KLHL26: variants seen among roughly 807,000 people sequenced by gnomAD.
KLHL26 encodes the protein kelch like family member 26.
A neutral mutation model predicts 7.1 loss-of-function variants in KLHL26; 4 were observed. The ratio of observed to expected loss-of-function variants is 0.56; its 90% CI spans 0.28 to 1.28. KLHL26 has a LOEUF of 1.28. Ranked by LOEUF, KLHL26 falls within the 50% of genes most tolerant of loss-of-function variation. The pLI, the probability that KLHL26 is intolerant of heterozygous loss-of-function variation, is 0.11. For missense variants in KLHL26, 896 were observed against 924.6 expected, an observed-to-expected ratio of 0.97 and a Z score of 0.40; for synonymous variants, 465 against 414.1, an observed-to-expected ratio of 1.12 and a Z score of -1.49.
intron 1 of KLHL26, among the ~76,000 whole-genome samples, chr19:18,662,526 G>A (rs1172402120): frequency 6.6e-6 from 1 of 152,232 alleles, no homozygotes. Flanking sequence ...CAAAGCCAGT[G>A]AGGCAAACTG....
chr19:18,643,567 C>T (rs1389056899), intron 1 of KLHL26, among the ~76,000 whole-genome samples: 2 of 151,818 alleles, frequency 1.3e-5, no homozygotes, highest in Non-Finnish European at 2.9e-5. Context: ...AAACATCCGC[C>T]TCCTGGGTTC....
intron 1 of KLHL26, among the ~76,000 whole-genome samples, chr19:18,651,606 T>G (rs1055846000): frequency 3.9e-5 from 6 of 152,246 alleles, no homozygotes; most frequent in Non-Finnish European, 8.8e-5. Context: ...GGCTAAGCTG[T>G]GGAGTGCCTG....
At chr19:18,642,026 C>G (rs1029817271) in intron 1 of KLHL26, among the ~76,000 whole-genome samples, 1 of 152,136 alleles carries the variant, frequency 6.6e-6, no homozygotes, top group African/African-American at 2.4e-5. Context: ...GCCTCAGGTG[C>G]TAGTGTGGGG....
intron 1 of KLHL26, among the ~76,000 whole-genome samples, chr19:18,638,740 A>G (rs141072823): frequency 2.4e-4 from 36 of 152,140 alleles, no homozygotes; most frequent in African/African-American, 8.4e-4. Flanking sequence ...TCACCCAGGT[A>G]TCTAGGCTGG....
rs780033184 is a variant in KLHL26 at position 18,649,163 on chromosome 19, C to T, written c.83+12026C>T. On this transcript the variant is annotated intron_variant, in intron 1 of 2. Coordinates refer to ENST00000300976, the MANE Select transcript of KLHL26 (RefSeq NM_018316.3). This position sits in a 1 kb window ranked among gnomAD's most constrained non-coding sequence, Gnocchi z 4.0. ...GTCCACCGTGGCGCCACTGCTCGCC[C>T]TGTCGTCATGGTACATTCTCTGCTT... Among the ~76,000 whole-genome samples, 8 of 152,232 alleles carry T rather than the reference C, an allele frequency of 5.3e-5. No individual in the cohort carries two copies. Among genetic ancestry groups the T allele is most frequent in the Non-Finnish European group, 1.0e-4 (7 of 68,042 alleles).
chr19:18,652,938 C>G (rs866472725), intron 1 of KLHL26, among the ~76,000 whole-genome samples: 10 of 152,312 alleles, frequency 6.6e-5, no homozygotes, highest in South Asian at 2.1e-4. Context: ...CAGAGAGGTT[C>G]AGGGGCTCAT....
chr19:18,642,472 C>G (rs982451988), intron 1 of KLHL26, among the ~76,000 whole-genome samples: 4 of 151,644 alleles, frequency 2.6e-5, no homozygotes, highest in Admixed American at 6.6e-5. Flanking sequence ...GCAACTGATT[C>G]TCTTACCTCA....
chr19:18,646,785 C>T lies in KLHL26; in HGVS notation c.83+9648C>T, dbSNP rs1976809690. 6.6e-6 allele frequency among the ~76,000 whole-genome samples: 1 copy of T among 152,196 alleles called. No individual in the cohort carries two copies. The highest frequency in any genetic ancestry group is 2.4e-5 in the African/African-American group (1 of 41,448). ...AAGCCTTGATGTGGCGTGCGTGTGT[C>T]AGGCAGGGAAAGGAGAGGGTGAACT... On this transcript the variant is annotated intron_variant, in intron 1 of 2. Coordinates refer to ENST00000300976, the MANE Select transcript of KLHL26 (RefSeq NM_018316.3). The surrounding 1 kb of genome is among the most constrained non-coding windows in gnomAD (Gnocchi z 5.0).
rs1284146715 is a variant in KLHL26 at position 18,646,081 on chromosome 19, A to G, written c.83+8944A>G. 6.6e-6 allele frequency among the ~76,000 whole-genome samples: 1 copy of G among 152,094 alleles called. No individual in the cohort carries two copies. Among genetic ancestry groups the G allele is most frequent in the Non-Finnish European group, 1.5e-5 (1 of 68,012 alleles). ...GTGGCTTCCCAAGGAGGTTCTTGCT[A>G]CTTTGGGGAAGTTCTCATTCCTTTG... On this transcript the variant is annotated intron_variant, in intron 1 of 2. Coordinates refer to ENST00000300976, the MANE Select transcript of KLHL26 (RefSeq NM_018316.3). This position sits in a 1 kb window ranked among gnomAD's most constrained non-coding sequence, Gnocchi z 5.0.
chr19:18,648,171 C>G lies in KLHL26; in HGVS notation c.83+11034C>G, dbSNP rs960861053. On this transcript the variant is annotated intron_variant, in intron 1 of 2. Transcript: ENST00000300976. This position sits in a 1 kb window ranked among gnomAD's most constrained non-coding sequence, Gnocchi z 4.9. ...ATCACTTGAGGTCAGGAGTTCGAGA[C>G]CAGCCTGGGCAACATAGTGAGATCC... is the stretch of plus-strand genomic sequence containing the variant. Among the ~76,000 whole-genome samples, 2 of 152,174 alleles carry G rather than the reference C, an allele frequency of 1.3e-5. No homozygotes were observed. Among genetic ancestry groups the G allele is most frequent in the Non-Finnish European group, 2.9e-5 (2 of 68,030 alleles).
Position 18,669,650 on chromosome 19 carries a change from C to T in KLHL26, c.*405C>T. On this transcript the variant is annotated 3_prime_UTR_variant, in exon 3 of 3. Transcript: ENST00000300976. ...AGATGTGAGCTCATCAACATTGAACCCAAAGTCGGTGGTATATGACTCACC... is the reference window on the plus strand; with the variant it reads ...AGATGTGAGCTCATCAACATTGAACTCAAAGTCGGTGGTATATGACTCACC... 1 of 363,098 alleles carries T rather than the reference C, an allele frequency of 2.8e-6. No homozygotes were observed. 22.5% of individuals were successfully genotyped at this position (363,098 alleles called of 1,614,324 possible).
At chr19:18,645,088 G>A (rs954175749) in intron 1 of KLHL26, among the ~76,000 whole-genome samples, 7 of 152,182 alleles carry the variant, frequency 4.6e-5, no homozygotes, top group East Asian at 1.9e-4. Context: ...TGACTGAGCC[G>A]AACCTCAGGG....
chr19:18,651,102 T>C (rs1440929546), intron 1 of KLHL26, among the ~76,000 whole-genome samples: 1 of 152,118 alleles, frequency 6.6e-6, no homozygotes, highest in Non-Finnish European at 1.5e-5. Context: ...TTTTAAAAAG[T>C]GCAAGGAGAC....
chr19:18,656,072 A>G lies in KLHL26; in HGVS notation c.84-8189A>G, dbSNP rs2052329677. 6.6e-6 allele frequency among the ~76,000 whole-genome samples: 1 copy of G among 152,108 alleles called. No individual in the cohort carries two copies. Among genetic ancestry groups the G allele is most frequent in the Admixed American group, 6.6e-5 (1 of 15,266 alleles). On this transcript the variant is annotated intron_variant, in intron 1 of 2. Transcript: ENST00000300976. The surrounding 1 kb of genome is among the most constrained non-coding windows in gnomAD (Gnocchi z 4.4). ...AACACCCCCATGCTCCTGAGATGAC[A>G]GCTTGCAAACCACTGCACCTCTAAC...
intron 1 of KLHL26, among the ~76,000 whole-genome samples, chr19:18,639,403 G>GTTTTCTTTT (rs754775329): frequency 1.4e-5 from 1 of 71,188 alleles, no homozygotes; most frequent in African/African-American, 5.8e-5. Flanking sequence ...TTATCATTAA[G>GTTTTCTTTT]TTTTTTTTTT....
Position 18,637,118 on chromosome 19 carries a change from G to C in KLHL26, c.64G>C (p.Gly22Arg). The C allele has an allele frequency of 7.4e-7, 1 of 1,358,596 alleles. No individual in the cohort carries two copies. Among genetic ancestry groups the C allele is most frequent in the Non-Finnish European group, 9.5e-7 (1 of 1,057,068 alleles). 84.2% of individuals were successfully genotyped at this position (1,358,596 alleles called of 1,614,324 possible). Reference sequence around the variant, plus strand: ...CGGCGGCGCTTTCGGCGCGGGCCCGGGCCCCGAGCGCCCGAACAGGTGAGA... The same window carrying C: ...CGGCGGCGCTTTCGGCGCGGGCCCGCGCCCCGAGCGCCCGAACAGGTGAGA... ...GGGGAFGAGP[G>R]PERPNSTADK... Residue 22 changes from glycine to arginine, a missense_variant, in exon 1 of 3, where the codon GGC becomes CGC. Gly to Arg is a moderately radical substitution (Grantham distance 125, BLOSUM62 -2). Transcript: ENST00000300976.
intron 2 of KLHL26, among the ~76,000 whole-genome samples, chr19:18,664,736 C>T (rs555418167): frequency 2.0e-5 from 3 of 151,976 alleles, no homozygotes; most frequent in Non-Finnish European, 4.4e-5. Context: ...CACCCGCCAC[C>T]ATGCCCAGCT....
Position 18,669,135 on chromosome 19 carries a change from G to C in KLHL26, c.1738G>C (p.Val580Leu). ...RLNNVTGIVQ[V>L]YNTDTDEWER... is the part of the protein sequence containing the mutation. ...CAACAACGTCACGGGCATCGTACAG[G>C]TGTACAACACGGACACCGACGAGTG... Residue 580 changes from valine to leucine, a missense_variant, in exon 3 of 3, where the codon GTG becomes CTG. Physicochemically the swap from Val to Leu is conservative, Grantham distance 32. Coordinates refer to ENST00000300976, the MANE Select transcript of KLHL26 (RefSeq NM_018316.3). 1.2e-6 allele frequency: 2 copies of C among 1,612,926 alleles called. No individual in the cohort carries two copies. Among genetic ancestry groups the C allele is most frequent in the Non-Finnish European group, 8.5e-7 (1 of 1,179,972 alleles).
chr19:18,668,844 C>T lies in KLHL26; in HGVS notation c.1447C>T (p.Pro483Ser). ...CAAGAAGGCCCTGCACTGCTACGAC[C>T]CCGTGGCCGACCAGTGGGAGTTCAA... is the stretch of plus-strand genomic sequence containing the variant. ...EDKKALHCYD[P>S]VADQWEFKAP... Residue 483 changes from proline (P) to serine (S), a missense_variant, in exon 3 of 3, where the codon CCC becomes TCC. Transcript: ENST00000300976. 1 of 1,592,670 alleles carries T rather than the reference C, an allele frequency of 6.3e-7. No homozygotes were observed.
Sources: gnomAD v4.1 joint callset for allele counts (sites outside exome capture counted in the v4.1 genomes callset) on GRCh38, gnomAD v4.1.1 for gene constraint, Gnocchi (gnomAD v3.1) non-coding constraint, MANE v1.5 for transcripts, NCBI Gene and HGNC (gene_info 2026-07-23, HGNC 2026-07-21) for gene names.